TAS2R1: variants seen among roughly 807,000 people sequenced by gnomAD.
TAS2R1 encodes taste 2 receptor member 1.
For synonymous variants in TAS2R1, 141 were observed against 134.2 expected (o/e 1.05, Z -0.35); for missense variants, 370 against 353.4 (o/e 1.05, Z -0.38).
chr5:9,734,506 G>T, the TAS2R1 span, among the ~76,000 whole-genome samples: 2 of 151,950 alleles, frequency 1.3e-5, no homozygotes, highest in Non-Finnish European at 2.9e-5. Context: ...CTGTACAAGA[G>T]GTTTTTTTGC....
the TAS2R1 span, among the ~76,000 whole-genome samples, chr5:9,730,255 T>C: frequency 1.5e-4 from 23 of 152,316 alleles, no homozygotes; most frequent in African/African-American, 5.1e-4. Flanking sequence ...TTAGGCTCTT[T>C]CTTGAAAGGT....
In TAS2R1 at chr5:9,660,323, G is replaced by A. The variant is rs373666919; in HGVS notation, c.-241-742C>T. Among the ~76,000 whole-genome samples, 6 of 142,882 alleles carry A rather than the reference G, an allele frequency of 4.2e-5. No individual in the cohort carries two copies. In the Middle Eastern group the frequency reaches 0.012, roughly 288 times the overall value. 93.7% of individuals were successfully genotyped at this position (142,882 alleles called of 152,430 possible). On this transcript the variant is annotated intron_variant, in intron 1 of 2. Coordinates refer to the TAS2R1 transcript ENST00000506620. Reference sequence around the variant, plus strand: ...AATCTCCTGACCTCATGATCCACCCGCCTCGGCCTCCCAAAGTGCTGGGAT... The same window carrying A: ...AATCTCCTGACCTCATGATCCACCCACCTCGGCCTCCCAAAGTGCTGGGAT...
chr5:9,895,077 G>T, the TAS2R1 span, among the ~76,000 whole-genome samples: 1 of 152,204 alleles, frequency 6.6e-6, no homozygotes. Flanking sequence ...GCCCAGTGCA[G>T]CAAGTTCAGC....
upstream of TAS2R1, among the ~76,000 whole-genome samples, chr5:9,633,189 G>A (rs528887712): frequency 6.6e-6 from 1 of 150,616 alleles, no homozygotes; most frequent in African/African-American, 2.4e-5. Flanking sequence ...TTGTCAATGA[G>A]CAGTACTATT....
the TAS2R1 span, among the ~76,000 whole-genome samples, chr5:9,785,749 G>C: frequency 3.3e-5 from 5 of 152,280 alleles, no homozygotes; most frequent in Non-Finnish European, 5.9e-5. Context: ...GACAGGGCAG[G>C]AGGTTCAGAG....
the TAS2R1 span, among the ~76,000 whole-genome samples, chr5:9,844,730 T>A: frequency 2.0e-5 from 3 of 152,278 alleles, no homozygotes; most frequent in South Asian, 4.1e-4. Flanking sequence ...TTCAGCATTT[T>A]TTTAGGCCTT....
intron 1 of TAS2R1, among the ~76,000 whole-genome samples, chr5:9,665,002 C>A (rs1229397648): frequency 6.6e-6 from 1 of 152,148 alleles, no homozygotes; most frequent in African/African-American, 2.4e-5. Context: ...GCTGAAAACA[C>A]CAATTTATTT....
At chr5:9,868,413 T>A in the TAS2R1 span, among the ~76,000 whole-genome samples, 1 of 152,204 alleles carries the variant, frequency 6.6e-6, no homozygotes, top group Non-Finnish European at 1.5e-5. Flanking sequence ...AAGGCTTGGG[T>A]CTGGAACTCT....
At chr5:9,883,941 G>C in the TAS2R1 span, 1 of 152,196 alleles carries the variant, frequency 6.6e-6, no homozygotes, top group Non-Finnish European at 1.5e-5. Flanking sequence ...AGGCTAGGCA[G>C]TCCAGAGGCA....
At chr5:9,686,714 T>C (rs1251754291) in intron 1 of TAS2R1, among the ~76,000 whole-genome samples, 2 of 152,180 alleles carry the variant, frequency 1.3e-5, no homozygotes, top group African/African-American at 4.8e-5. Context: ...AGACAAACTA[T>C]ATTACGTTCA....
chr5:9,835,779 G>A, the TAS2R1 span, among the ~76,000 whole-genome samples: 1 of 152,194 alleles, frequency 6.6e-6, no homozygotes. Flanking sequence ...TGGGCAAGAA[G>A]AACCTCTCTC....
At chr5:9,865,934 T>C in the TAS2R1 span, among the ~76,000 whole-genome samples, 1 of 152,230 alleles carries the variant, frequency 6.6e-6, no homozygotes, top group Non-Finnish European at 1.5e-5. Context: ...AGTCTTAATG[T>C]CCTCCCAAAA....
At chr5:9,771,495 A>G in the TAS2R1 span, among the ~76,000 whole-genome samples, 1 of 152,016 alleles carries the variant, frequency 6.6e-6, no homozygotes, top group Non-Finnish European at 1.5e-5. Context: ...ATGTGTTTTT[A>G]TCTGGTTTTG....
chr5:9,794,987 T>C, the TAS2R1 span, among the ~76,000 whole-genome samples: 7 of 152,334 alleles, frequency 4.6e-5, no homozygotes, highest in East Asian at 1.3e-3. Flanking sequence ...ATAGTGATGT[T>C]TTAATACATA....
intron 1 of TAS2R1, among the ~76,000 whole-genome samples, chr5:9,665,893 G>A (rs955055674): frequency 1.3e-5 from 2 of 152,146 alleles, no homozygotes; most frequent in African/African-American, 4.8e-5. Context: ...AATTCACAAC[G>A]TTTTAAAAGG....
intron 1 of TAS2R1, among the ~76,000 whole-genome samples, chr5:9,677,470 C>T (rs1039778345): frequency 6.6e-6 from 1 of 151,464 alleles, no homozygotes; most frequent in African/African-American, 2.4e-5. Context: ...AATTTGCAGG[C>T]CTCATATCTT....
At chr5:9,678,181 A>T (rs997121627) in intron 1 of TAS2R1, among the ~76,000 whole-genome samples, 5 of 152,204 alleles carry the variant, frequency 3.3e-5, no homozygotes, top group African/African-American at 1.2e-4. Context: ...ATATGAAAAA[A>T]ACCTCAACAT....
the TAS2R1 span, among the ~76,000 whole-genome samples, chr5:9,895,025 A>G: frequency 3.3e-5 from 5 of 152,394 alleles, no homozygotes; most frequent in Admixed American, 1.3e-4. Flanking sequence ...AGGCTTCCTG[A>G]TGAACAAGTA....
chr5:9,668,150 G>T (rs1455699435), intron 1 of TAS2R1, among the ~76,000 whole-genome samples: 1 of 152,154 alleles, frequency 6.6e-6, no homozygotes, highest in Non-Finnish European at 1.5e-5. Flanking sequence ...AGCAGAATCT[G>T]CCAAGCTGAG....
Sources: allele counts gnomAD v4.1 joint callset (sites outside exome capture counted in the v4.1 genomes callset), GRCh38; gene constraint gnomAD v4.1.1; transcripts MANE v1.5; gene names NCBI Gene and HGNC (gene_info 2026-07-23, HGNC 2026-07-21).